NOS1: variants seen among roughly 807,000 people sequenced by gnomAD.
The protein encoded by NOS1 is nitric oxide synthase 1.
In NOS1, 51 loss-of-function variants were observed where a neutral mutation model predicts 164.5. That is an observed-to-expected ratio of 0.31 (90% CI 0.25 to 0.39). NOS1 has a LOEUF of 0.39. Among genes scored for constraint, NOS1 ranks in the 10% least tolerant of loss-of-function variants. The pLI is 1.00. For synonymous variants in NOS1, 719 were observed against 745.8 expected (o/e 0.96, Z 0.59); for missense variants, 1,362 against 1,885.6 (o/e 0.72, Z 5.14).
Position 117,232,011 on chromosome 12 carries a change from G to C in NOS1, c.3356C>G (p.Ser1119Cys). 1 of 1,612,894 alleles carries C rather than the reference G, an allele frequency of 6.2e-7. No individual in the cohort carries two copies. The highest frequency in any genetic ancestry group is 8.5e-7 in the Non-Finnish European group (1 of 1,179,980). Residue 1119 changes from serine to cysteine, a missense_variant, in exon 22 of 29, where the codon TCC (serine) becomes TGC (cysteine). Around this residue, in one of 4 missense-constraint regions of NOS1, gnomAD observed 737 missense variants for 1,030.3 expected, o/e 0.72. Coordinates refer to ENST00000317775, the MANE Select transcript of NOS1 (RefSeq NM_000620.5). ...PTPLQLQQFA[S>C]LATSEKEKQR... ...CTTCTCCTTCTCGCTGGTAGCTAGG[G>C]AGGCAAACTGCTGCAGCTGCAGAGG...
At chr12:117,294,619 TGCATGCA>T (rs914567017) in intron 3 of NOS1, among the ~76,000 whole-genome samples, 13 of 152,168 alleles carry the variant, frequency 8.5e-5, no homozygotes, top group African/African-American at 3.1e-4. Context: ...TCAGGGGCCC[TGCATGCA>T]GGATGCAAAT....
chr12:117,297,634 G>A (rs1013792048), intron 3 of NOS1, among the ~76,000 whole-genome samples: 4 of 151,948 alleles, frequency 2.6e-5, no homozygotes, highest in African/African-American at 7.3e-5. Context: ...TCAGGTATCC[G>A]CCTGCCTTGG....
At chr12:117,276,664 C>T (rs1484668751) in intron 9 of NOS1, among the ~76,000 whole-genome samples, 1 of 151,994 alleles carries the variant, frequency 6.6e-6, no homozygotes, top group African/African-American at 2.4e-5. Context: ...AACCATCCTT[C>T]TACTCTTTAT....
At position 117,262,307 on chromosome 12, in the gene NOS1, A is replaced by G. The variant is rs9658410; in HGVS notation, c.2222+1582T>C. Among the ~76,000 whole-genome samples the G allele has an allele frequency of 6.9e-3, 1,051 of 152,070 alleles. 20 individuals carry two copies. The highest frequency in any genetic ancestry group is 0.023 in the African/African-American group (957 of 41,472). ...AGACAGTGGAGCTGAACTGAAGCCA[A>G]CAATTGCCCTCCCTGAGAATATCTG... On this transcript the variant is annotated intron_variant, in intron 13 of 28. Transcript: ENST00000317775.
Position 117,326,107 on chromosome 12 carries a change from C to T in NOS1, c.725+4238G>A, listed in dbSNP as rs146849039. Among the ~76,000 whole-genome samples, 221 of 147,558 alleles carry T rather than the reference C, an allele frequency of 1.5e-3. 2 individuals are homozygous for T. The highest frequency in any genetic ancestry group is 2.9e-3 in the Non-Finnish European group (194 of 66,702). ...TGTGTTAAGAAATGGGGGTGCTGGC[C>T]GGGCATGGTGGCTCACTCCTGTAAT... On this transcript the variant is annotated intron_variant, in intron 2 of 28. Transcript: ENST00000317775.
intron 1 of NOS1, among the ~76,000 whole-genome samples, chr12:117,335,685 T>C (rs925385609): frequency 3.4e-5 from 5 of 148,764 alleles, no homozygotes; most frequent in African/African-American, 1.2e-4. Flanking sequence ...CATTGGTGCC[T>C]GAGCCCTCTG....
In NOS1 at chr12:117,264,465, T is replaced by TTTTC. The variant is rs1031453749; in HGVS notation, c.2137-495_2137-492dup. Among the ~76,000 whole-genome samples the TTTTC allele has an allele frequency of 1.3e-5, 2 of 150,834 alleles. 1 individual carries two copies. The highest frequency in any genetic ancestry group is 1.3e-4 in the Admixed American group (2 of 15,228). ...TTTTCTTATTTATTTTCTTTCTTTA[T>TTTTC]TTTCTTTCTTTCTTTCCTTTCTTTC... On this transcript the variant is annotated intron_variant, in intron 12 of 28. Coordinates refer to ENST00000317775, the MANE Select transcript of NOS1 (RefSeq NM_000620.5).
At chr12:117,247,251 T>G (rs1592947934) in intron 18 of NOS1, 97 bp downstream of exon 18, 3 of 1,020,702 alleles carry the variant, frequency 2.9e-6, no homozygotes, top group Non-Finnish European at 4.3e-6. Flanking sequence ...GTACTGAGGG[T>G]TCTCTCAAGT....
At chr12:117,337,660 A>C (rs966329117) in intron 1 of NOS1, among the ~76,000 whole-genome samples, 41 of 152,294 alleles carry the variant, frequency 2.7e-4, no homozygotes, top group African/African-American at 9.9e-4. Context: ...CACCTTTTGA[A>C]ACTGACCTCT....
At chr12:117,282,797 T>C (rs1873780683) in intron 7 of NOS1, among the ~76,000 whole-genome samples, 1 of 152,174 alleles carries the variant, frequency 6.6e-6, no homozygotes, top group South Asian at 2.1e-4. Flanking sequence ...GAACATCCGA[T>C]AAAGGGTGTT....
intron 6 of NOS1, among the ~76,000 whole-genome samples, chr12:117,285,585 A>G (rs2136018589): frequency 6.6e-6 from 1 of 152,064 alleles, no homozygotes; most frequent in East Asian, 1.9e-4. Flanking sequence ...GAATGTGGGA[A>G]AGGAATGGCA....
chr12:117,272,612 G>C lies in NOS1; in HGVS notation c.1665-53C>G. 1 of 1,550,688 alleles carries C rather than the reference G, an allele frequency of 6.4e-7. No individual in the cohort carries two copies. The highest frequency in any genetic ancestry group is 8.8e-7 in the Non-Finnish European group (1 of 1,136,734). On this transcript the variant is annotated intron_variant, in intron 9 of 28. Coordinates refer to ENST00000317775, the MANE Select transcript of NOS1 (RefSeq NM_000620.5). This position sits in a 1 kb window ranked among gnomAD's most constrained non-coding sequence, Gnocchi z 4.3. ...CCCGGAGCAGGTGTCTCATGGGCGG[G>C]ACAGCTTGAATCTAGAGATGCTGAA... is the stretch of plus-strand genomic sequence containing the variant.
At chr12:117,264,465 TTTTC>T (rs1031453749) in intron 12 of NOS1, among the ~76,000 whole-genome samples, 14 of 150,720 alleles carry the variant, frequency 9.3e-5, no homozygotes, top group Non-Finnish European at 1.5e-4. Flanking sequence ...TCTTTCTTTA[TTTTC>T]TTTCTTTCTT....
rs921668129 is a variant in NOS1, at chr12:117,347,579, T to G, written c.-421+13933A>C. ...TGACTGTGGGACCCCTGCTAGTGAG[T>G]GAGTTTTAAAGGGCAACAAGGAAGG... On this transcript the variant is annotated intron_variant, in intron 1 of 28. Coordinates refer to ENST00000317775, the MANE Select transcript of NOS1 (RefSeq NM_000620.5). 4.6e-5 allele frequency among the ~76,000 whole-genome samples: 7 copies of G among 152,112 alleles called. No homozygotes were observed. The East Asian group carries it at 1.3e-3, about 29-fold the overall frequency.
chr12:117,256,165 T>C, intron 16 of NOS1: 1 of 462,658 alleles, frequency 2.2e-6, no homozygotes, highest in Non-Finnish European at 3.8e-6. Flanking sequence ...GATGCTGGAG[T>C]TGGGCGTAGA....
In NOS1 at chr12:117,322,317, TCTTCCTTCCCTC is replaced by T. The variant is rs138544874; in HGVS notation, c.725+8016_725+8027del. Among the ~76,000 whole-genome samples, 379 of 56,672 alleles carry T rather than the reference TCTTCCTTCCCTC, an allele frequency of 6.7e-3. 5 individuals carry two copies. Among genetic ancestry groups the T allele is most frequent in the African/African-American group, 0.02 (359 of 18,214 alleles). 37.2% of individuals were successfully genotyped at this position (56,672 alleles called of 152,430 possible). A position where few individuals can be genotyped will look rare whatever the true frequency, so the allele number is the denominator to read the frequency against. On this transcript the variant is annotated intron_variant, in intron 2 of 28. Coordinates refer to ENST00000317775, the MANE Select transcript of NOS1 (RefSeq NM_000620.5). ...CTTCCTTCCCTCCCTCTGTCCCTCCTCTTCCTTCCCTCCTTCCTTCCCTCCCTCCTTCCATCC... is the reference window on the plus strand; with the variant it reads ...CTTCCTTCCCTCCCTCTGTCCCTCCTCTTCCTTCCCTCCCTCCTTCCATCC...
intron 1 of NOS1, among the ~76,000 whole-genome samples, chr12:117,340,775 G>A (rs981244350): frequency 6.6e-6 from 1 of 151,506 alleles, no homozygotes; most frequent in Non-Finnish European, 1.5e-5. Flanking sequence ...CCCAGGCTGA[G>A]TGCAGTGGCG....
intron 17 of NOS1, among the ~76,000 whole-genome samples, chr12:117,251,631 A>G (rs1871108881): frequency 6.8e-6 from 1 of 146,978 alleles, no homozygotes; most frequent in Admixed American, 6.9e-5. Context: ...GGGTCCCAAT[A>G]TGTTGCCCAG....
At chr12:117,301,800 CA>C (rs946578041) in intron 3 of NOS1, among the ~76,000 whole-genome samples, 3 of 152,200 alleles carry the variant, frequency 2.0e-5, no homozygotes, top group African/African-American at 7.2e-5. Context: ...AATGGGTGGT[CA>C]CTTTGGGCTT....
Sources: gnomAD v4.1 joint callset for allele counts (sites outside exome capture counted in the v4.1 genomes callset) on GRCh38, gnomAD v4.1.1 for gene constraint, gnomAD v4.1.1 regional missense constraint, Gnocchi (gnomAD v3.1) non-coding constraint, MANE v1.5 for transcripts, NCBI Gene and HGNC (gene_info 2026-07-23, HGNC 2026-07-21) for gene names.